The following CAMK4 variants were observed in gnomAD, a reference collection of about 807,000 sequenced individuals.
CAMK4 encodes calcium/calmodulin-dependent protein kinase type IV.
Under a neutral mutation model 44.9 loss-of-function variants are expected in CAMK4, and 22 were observed. That is an observed-to-expected ratio of 0.49 (90% confidence interval 0.35 to 0.70). The LOEUF (loss-of-function observed/expected upper bound fraction) is 0.70. Among genes scored for constraint, CAMK4 ranks in the 30% least tolerant of loss-of-function variants. CAMK4 has a pLI of 0.01. For synonymous variants in CAMK4, 218 were observed against 215.4 expected, an observed-to-expected ratio of 1.01 and a Z score of -0.11; for missense variants, 498 against 586.8, an observed-to-expected ratio of 0.85 and a Z score of 1.56.
intron 5 of CAMK4, among the ~76,000 whole-genome samples, chr5:111,434,213 A>C (rs1753563936): frequency 6.6e-6 from 1 of 151,634 alleles, no homozygotes. Context: ...GAATCGCTTG[A>C]ATCTGGGAGG....
intron 1 of CAMK4, among the ~76,000 whole-genome samples, chr5:111,235,246 T>C (rs1707775305): frequency 6.6e-6 from 1 of 152,070 alleles, no homozygotes. Flanking sequence ...AAGATTAGTG[T>C]TTACCTGGAT....
At chr5:111,227,610 C>G (rs1384278750) in intron 1 of CAMK4, among the ~76,000 whole-genome samples, 1 of 152,188 alleles carries the variant, frequency 6.6e-6, no homozygotes, top group Non-Finnish European at 1.5e-5. Context: ...GCTAAACTCC[C>G]AAGGCTATAT....
intron 4 of CAMK4, 53 bp from the exon 5 acceptor site, chr5:111,394,657 C>G: frequency 8.7e-7 from 1 of 1,152,288 alleles, no homozygotes; most frequent in Non-Finnish European, 1.3e-6. Context: ...CTTTTAATAT[C>G]CATTCTTCTG....
chr5:111,255,061 T>TAA (rs35350643), intron 1 of CAMK4, among the ~76,000 whole-genome samples: 1 of 148,734 alleles, frequency 6.7e-6, no homozygotes, highest in African/African-American at 2.5e-5. Context: ...ACTTAGTACT[T>TAA]AAAAAAAAAA....
chr5:111,440,290 T>C (rs1040737042), intron 5 of CAMK4, among the ~76,000 whole-genome samples: 2 of 152,142 alleles, frequency 1.3e-5, no homozygotes, highest in African/African-American at 2.4e-5. Context: ...CTGGAAGAAC[T>C]ACAGAAAATC....
At chr5:111,395,042 C>A (rs1393156398) in intron 5 of CAMK4, among the ~76,000 whole-genome samples, 3 of 151,346 alleles carry the variant, frequency 2.0e-5, no homozygotes, top group Non-Finnish European at 2.9e-5. Flanking sequence ...AACGCCATAT[C>A]TAATAAAAAT....
intron 1 of CAMK4, among the ~76,000 whole-genome samples, chr5:111,226,433 C>G (rs779507713): frequency 6.6e-6 from 1 of 152,172 alleles, no homozygotes; most frequent in Non-Finnish European, 1.5e-5. Context: ...AGCTTCTCAA[C>G]TTATGATGGT....
intron 7 of CAMK4, among the ~76,000 whole-genome samples, chr5:111,467,643 C>T (rs762304860): frequency 4.6e-5 from 7 of 151,988 alleles, no homozygotes; most frequent in Admixed American, 6.6e-5. Context: ...AAATCAACAC[C>T]GCAATGCAAT....
rs539790401 is a variant in CAMK4, at chr5:111,490,626, T to A, written c.*6160T>A. 1 of 152,270 alleles carries A rather than the reference T, an allele frequency of 6.6e-6. No homozygotes were observed. Among genetic ancestry groups the A allele is most frequent in the Admixed American group, 6.5e-5 (1 of 15,288 alleles). The allele number at this position is 152,270 out of a possible 1,614,324, so 9.4% of individuals were successfully genotyped here. ...AAAAATATATATATATGACCATAAA[T>A]TGAAAACTATCATCTCATACTGCCT... On this transcript the variant is annotated 3_prime_UTR_variant, in exon 11 of 11. Transcript: ENST00000282356.
intron 5 of CAMK4, among the ~76,000 whole-genome samples, chr5:111,418,046 A>G (rs1203846698): frequency 1.3e-5 from 2 of 152,070 alleles, no homozygotes; most frequent in African/African-American, 4.8e-5. Context: ...CATTTGGGAA[A>G]GTCCTAAAAA....
At chr5:111,429,847 A>AC (rs1301647823) in intron 5 of CAMK4, among the ~76,000 whole-genome samples, 1 of 144,846 alleles carries the variant, frequency 6.9e-6, no homozygotes, top group African/African-American at 2.5e-5. Context: ...AAAGCCCAGG[A>AC]CCTAATGGCT....
At chr5:111,369,040 A>G (rs1448793461) in intron 2 of CAMK4, among the ~76,000 whole-genome samples, 1 of 149,760 alleles carries the variant, frequency 6.7e-6, no homozygotes, top group African/African-American at 2.4e-5. Context: ...TTCTACTCAC[A>G]AAATAATAAT....
rs1755687498 is a variant in CAMK4 at position 111,487,851 on chromosome 5, C to T, written c.*3385C>T. The T allele has an allele frequency of 6.6e-6, 1 of 152,020 alleles. No individual in the cohort carries two copies. Among genetic ancestry groups the T allele is most frequent in the African/African-American group, 2.4e-5 (1 of 41,364 alleles). The allele number at this position is 152,020 out of a possible 1,614,324, so 9.4% of individuals were successfully genotyped here. Reference sequence around the variant, plus strand: ...TTCACATTGAGGAGCTGGTGGGAGGCCACAAAGAAAGTGTTTCAGAAATGT... The same window carrying T: ...TTCACATTGAGGAGCTGGTGGGAGGTCACAAAGAAAGTGTTTCAGAAATGT... On this transcript the variant is annotated 3_prime_UTR_variant, in exon 11 of 11. Transcript: ENST00000282356.
At chr5:111,244,433 C>T (rs1749142499) in intron 1 of CAMK4, among the ~76,000 whole-genome samples, 2 of 152,106 alleles carry the variant, frequency 1.3e-5, no homozygotes, top group Admixed American at 1.3e-4. Context: ...GAATTCTAGC[C>T]TTGATGTTGG....
At chr5:111,371,345 A>G (rs138098117) in intron 2 of CAMK4, among the ~76,000 whole-genome samples, 2 of 152,328 alleles carry the variant, frequency 1.3e-5, no homozygotes, top group Non-Finnish European at 2.9e-5. Flanking sequence ...CACTGTTTTA[A>G]TATTAGCAGC....
At chr5:111,267,609 C>T (rs1185510739) in intron 1 of CAMK4, among the ~76,000 whole-genome samples, 1 of 145,300 alleles carries the variant, frequency 6.9e-6, no homozygotes, top group East Asian at 2.1e-4. Flanking sequence ...GAGGCTGAGG[C>T]AGGAGAATGG....
At chr5:111,357,842 A>G (rs192915567) in intron 2 of CAMK4, 1 of 152,228 alleles carries the variant, frequency 6.6e-6, no homozygotes, top group Non-Finnish European at 1.5e-5. Flanking sequence ...ATGTTAACAC[A>G]AAGCTCCCCA....
At chr5:111,403,357 G>GT (rs1442723269) in intron 5 of CAMK4, among the ~76,000 whole-genome samples, 6 of 152,130 alleles carry the variant, frequency 3.9e-5, no homozygotes, top group Non-Finnish European at 8.8e-5. Flanking sequence ...GAAAATGCAA[G>GT]TTTTTTTGTT....
intron 1 of CAMK4, among the ~76,000 whole-genome samples, chr5:111,249,555 G>A (rs1749386981): frequency 2.7e-5 from 4 of 150,796 alleles, no homozygotes; most frequent in South Asian, 4.2e-4. Flanking sequence ...GGCTGACTAT[G>A]AAAATGACTT....
Sources: allele counts gnomAD v4.1 joint callset (sites outside exome capture counted in the v4.1 genomes callset), GRCh38; gene constraint gnomAD v4.1.1; transcripts MANE v1.5; gene names NCBI Gene and HGNC (gene_info 2026-07-23, HGNC 2026-07-21).